Variants in RASSF5 observed in about 807,000 individuals in gnomAD.
RASSF5 encodes ras association domain-containing protein 5.
A neutral mutation model predicts 40.5 loss-of-function variants in RASSF5; 25 were observed. That is an observed-to-expected ratio of 0.62 (90% CI 0.45 to 0.86). The LOEUF is 0.86. Among genes scored for constraint, RASSF5 ranks in the 40% least tolerant of loss-of-function variants. RASSF5 has a pLI of 0.00. For missense variants in RASSF5, 521 were observed against 572.8 expected, an observed-to-expected ratio of 0.91 and a Z score of 0.92; for synonymous variants, 246 against 252.4, an observed-to-expected ratio of 0.97 and a Z score of 0.24.
At position 206,584,290 on chromosome 1, in the gene RASSF5, A is replaced by G; in HGVS notation, c.691-97A>G. 2 of 1,206,376 alleles carry G rather than the reference A, an allele frequency of 1.7e-6. No individual in the cohort carries two copies. The highest frequency in any genetic ancestry group is 2.3e-6 in the Non-Finnish European group (2 of 865,104). The allele number at this position is 1,206,376 out of a possible 1,614,324, so 74.7% of individuals were successfully genotyped here. A position where few individuals can be genotyped will look rare whatever the true frequency, so the allele number is the denominator to read the frequency against. On this transcript the variant is annotated intron_variant, in intron 3 of 5. Coordinates refer to ENST00000579436, the MANE Select transcript of RASSF5 (RefSeq NM_182663.4). The surrounding 1 kb of genome is among the most constrained non-coding windows in gnomAD (Gnocchi z 4.9). Reference sequence around the variant, plus strand: ...AGCAGAGGCAGGAAAGAACTCAAGGAGACAGGTGGGTGCTGCTGGGGCAAT... The same window carrying G: ...AGCAGAGGCAGGAAAGAACTCAAGGGGACAGGTGGGTGCTGCTGGGGCAAT...
At chr1:206,561,251 C>T (rs1440288924) in intron 2 of RASSF5, among the ~76,000 whole-genome samples, 1 of 152,220 alleles carries the variant, frequency 6.6e-6, no homozygotes, top group South Asian at 2.1e-4. Context: ...TGGGTAGAGC[C>T]AGGACTAACA....
At chr1:206,517,661 A>G (rs1666785515) in intron 1 of RASSF5, among the ~76,000 whole-genome samples, 1 of 152,136 alleles carries the variant, frequency 6.6e-6, no homozygotes, top group African/African-American at 2.4e-5. Context: ...GGCCTCCCAG[A>G]ACTTTTCTAC....
intron 1 of RASSF5, among the ~76,000 whole-genome samples, chr1:206,528,473 A>G (rs955120560): frequency 4.6e-5 from 7 of 152,216 alleles, no homozygotes; most frequent in South Asian, 2.1e-4. Flanking sequence ...GCCTGATGCT[A>G]TAATGGTGGG....
intron 2 of RASSF5, chr1:206,557,351 G>A: frequency 7.6e-7 from 1 of 1,321,802 alleles, no homozygotes; most frequent in Non-Finnish European, 9.6e-7. Flanking sequence ...GCGGGGACAG[G>A]AGCAGGTTAC....
At chr1:206,518,305 GGCCCTCCCCGGA>G in intron 1 of RASSF5, 1 of 396,636 alleles carries the variant, frequency 2.5e-6, no homozygotes. Flanking sequence ...CGAGGCCCAG[GGCCCTCCCCGGA>G]GCCCTCCCCC....
Position 206,587,230 on chromosome 1 carries a change from C to A in RASSF5, c.*252C>A, listed in dbSNP as rs916306640. 3.1e-5 allele frequency: 14 copies of A among 450,968 alleles called. No homozygotes were observed. Among genetic ancestry groups the A allele is most frequent in the Non-Finnish European group, 4.9e-5 (12 of 243,722 alleles). The allele number at this position is 450,968 out of a possible 1,614,324, so 27.9% of individuals were successfully genotyped here. A position where few individuals can be genotyped will look rare whatever the true frequency, so the allele number is the denominator to read the frequency against. On this transcript the variant is annotated 3_prime_UTR_variant, in exon 6 of 6. Coordinates refer to ENST00000579436, the MANE Select transcript of RASSF5 (RefSeq NM_182663.4). ...CTCATGTGAAACAAACAGCTGACGT[C>A]CTCTCTCGATCTGCAAGCCTTTCAC...
At position 206,583,232 on chromosome 1, in the gene RASSF5, T is replaced by C. The variant is rs1553406728; in HGVS notation, c.580-37T>C. On this transcript the variant is annotated intron_variant, in intron 2 of 5. Coordinates refer to ENST00000579436, the MANE Select transcript of RASSF5 (RefSeq NM_182663.4). ...TTGTTCCCTTTCTCACCCTGAGAACTACTACACATCCACCTCCACTTCTGT... is the reference window on the plus strand; with the variant it reads ...TTGTTCCCTTTCTCACCCTGAGAACCACTACACATCCACCTCCACTTCTGT... 3 of 1,372,016 alleles carry C rather than the reference T, an allele frequency of 2.2e-6. No homozygotes were observed. The South Asian group carries it at 3.5e-5, about 16-fold the overall frequency. 85.0% of individuals were successfully genotyped at this position (1,372,016 alleles called of 1,614,324 possible).
chr1:206,523,665 AAAATATATTATATAT>A (rs1473122255), intron 1 of RASSF5, among the ~76,000 whole-genome samples: 25 of 98,522 alleles, frequency 2.5e-4, no homozygotes, highest in East Asian at 9.7e-4. Flanking sequence ...TAAAATATAT[AAAATATATTATATAT>A]AAATATATTA....
chr1:206,578,232 A>AGTG (rs1553405555), intron 2 of RASSF5, among the ~76,000 whole-genome samples: 6,199 of 130,348 alleles, frequency 0.048, 167 homozygotes, highest in Middle Eastern at 0.14. Flanking sequence ...CAAAAAAAAA[A>AGTG]AGTGTGTGTG....
At chr1:206,533,196 T>C (rs1292716561) in intron 1 of RASSF5, among the ~76,000 whole-genome samples, 2 of 152,132 alleles carry the variant, frequency 1.3e-5, no homozygotes, top group African/African-American at 2.4e-5. Context: ...CTGTGGGCCA[T>C]GTTTGAAGTG....
Position 206,507,729 on chromosome 1 carries a change from C to A in RASSF5, c.127C>A (p.Arg43Ser). 5 of 1,481,154 alleles carry A rather than the reference C, an allele frequency of 3.4e-6. No homozygotes were observed. Among genetic ancestry groups the A allele is most frequent in the Non-Finnish European group, 4.5e-6 (5 of 1,122,976 alleles). The allele number at this position is 1,481,154 out of a possible 1,614,324, so 91.8% of individuals were successfully genotyped here. The part of the protein sequence containing the change: ...LPPPPPDRSS[R>S]LCVPAPLSTA... ...GCCGCCGCCCCCCGACCGGTCCTCG[C>A]GCCTCTGTGTCCCGGCGCCCCTCTC... is the stretch of plus-strand genomic sequence containing the variant. Residue 43 changes from arginine (R) to serine (S), a missense_variant, in exon 1 of 6, where the codon CGC (arginine) becomes AGC (serine). This residue lies in a region of RASSF5 where 237 missense variants were observed against 212.0 expected (regional missense o/e 1.12). Transcript: ENST00000579436.
At chr1:206,573,167 A>G (rs1374641236) in intron 2 of RASSF5, among the ~76,000 whole-genome samples, 2 of 152,246 alleles carry the variant, frequency 1.3e-5, no homozygotes, top group Non-Finnish European at 2.9e-5. Flanking sequence ...ACTGCATTTC[A>G]CAAAGAAATC....
In RASSF5 at chr1:206,552,939, C is replaced by T. The variant is rs1236603928; in HGVS notation, c.579+14646C>T. ...CTCAGTAAGGCTGGGCGCGGTGGCT[C>T]ACACCTGTAATCCCAGCACTTTGGG... is the stretch of plus-strand genomic sequence containing the variant. On this transcript the variant is annotated intron_variant, in intron 2 of 5. Transcript: ENST00000579436. This position sits in a 1 kb window ranked among gnomAD's most constrained non-coding sequence, Gnocchi z 4.1. 6.6e-6 allele frequency among the ~76,000 whole-genome samples: 1 copy of T among 152,154 alleles called. No homozygotes were observed. Among genetic ancestry groups the T allele is most frequent in the Non-Finnish European group, 1.5e-5 (1 of 68,032 alleles).
intron 2 of RASSF5, among the ~76,000 whole-genome samples, chr1:206,569,348 A>G (rs782639393): frequency 2.6e-5 from 4 of 152,192 alleles, no homozygotes; most frequent in Non-Finnish European, 5.9e-5. Flanking sequence ...TGGGAGGGGA[A>G]GAAGAGGAGG....
chr1:206,558,462 A>T (rs1405280425), intron 2 of RASSF5, among the ~76,000 whole-genome samples: 1 of 152,028 alleles, frequency 6.6e-6, no homozygotes, highest in African/African-American at 2.4e-5. Flanking sequence ...TACTTAGATG[A>T]GAGGGCTCCA....
At chr1:206,576,230 A>G (rs1426414968) in intron 2 of RASSF5, among the ~76,000 whole-genome samples, 9 of 152,238 alleles carry the variant, frequency 5.9e-5, no homozygotes, top group Non-Finnish European at 2.9e-5. Flanking sequence ...AGGCTCTTGC[A>G]GTATGGATTT....
chr1:206,514,916 G>A (rs782393270), intron 1 of RASSF5, among the ~76,000 whole-genome samples: 5 of 152,222 alleles, frequency 3.3e-5, no homozygotes, highest in African/African-American at 7.2e-5. Flanking sequence ...CACTAAGGCC[G>A]TTTGATGTGC....
Position 206,566,245 on chromosome 1 carries a change from A to C in RASSF5, c.580-17024A>C, listed in dbSNP as rs187552069. Among the ~76,000 whole-genome samples the C allele has an allele frequency of 1.4e-3, 210 of 152,306 alleles. 1 individual carries two copies. Among genetic ancestry groups the C allele is most frequent in the Admixed American group, 3.1e-3 (47 of 15,304 alleles). ...TCCCACCACACACACAGCTGAGGGA[A>C]GAGTCCAGCTTTGAAAGGCTCCAAA... On this transcript the variant is annotated intron_variant, in intron 2 of 5. Transcript: ENST00000579436.
At chr1:206,529,898 C>G (rs575280215) in intron 1 of RASSF5, among the ~76,000 whole-genome samples, 2 of 151,804 alleles carry the variant, frequency 1.3e-5, no homozygotes, top group South Asian at 4.2e-4. Context: ...CTGGGTGGCA[C>G]AGTGAGACCC....
Sources: gnomAD v4.1 joint callset for allele counts (sites outside exome capture counted in the v4.1 genomes callset) on GRCh38, gnomAD v4.1.1 for gene constraint, gnomAD v4.1.1 regional missense constraint, Gnocchi (gnomAD v3.1) non-coding constraint, MANE v1.5 for transcripts, NCBI Gene and HGNC (gene_info 2026-07-23, HGNC 2026-07-21) for gene names.